IL16: variants seen among roughly 807,000 people sequenced by gnomAD.
The protein encoded by IL16 is interleukin 16, also known as pro-interleukin-16.
IL16 carries 67 observed loss-of-function variants against 110.1 expected under a neutral mutation model. The observed-to-expected ratio is 0.61, with a 90% CI of 0.50 to 0.75. IL16 has a LOEUF of 0.75. Among genes scored for constraint, IL16 ranks in the 30% least tolerant of loss-of-function variants. The pLI, the probability that IL16 is intolerant of heterozygous loss-of-function variation, is 0.00. For missense variants in IL16, 1,545 were observed against 1,655.0 expected, an observed-to-expected ratio of 0.93 and a Z score of 1.15; for synonymous variants, 689 against 662.9, an observed-to-expected ratio of 1.04 and a Z score of -0.61.
intron 15 of IL16, among the ~76,000 whole-genome samples, chr15:81,301,734 A>G (rs1900297691): frequency 6.6e-6 from 1 of 152,198 alleles, no homozygotes; most frequent in Non-Finnish European, 1.5e-5. Flanking sequence ...GACTTCTTGC[A>G]TCTTCTTTTG....
chr15:81,243,143 G>GTATATATATATATATATA (rs1275444035), intron 2 of IL16, among the ~76,000 whole-genome samples: 88 of 47,220 alleles, frequency 1.9e-3, no homozygotes, highest in African/African-American at 2.3e-3. Flanking sequence ...AGCTATATAA[G>GTATATATATATATATATA]TATATATATA....
chr15:81,222,164 G>A (rs1303280149), intron 1 of IL16, among the ~76,000 whole-genome samples: 1 of 152,104 alleles, frequency 6.6e-6, no homozygotes, highest in Non-Finnish European at 1.5e-5. Context: ...GCAATTCTTG[G>A]TGGGACAAGA....
intron 2 of IL16, among the ~76,000 whole-genome samples, chr15:81,244,943 CCT>C (rs1272253476): frequency 1.3e-5 from 2 of 152,040 alleles, no homozygotes; most frequent in Admixed American, 1.3e-4. Flanking sequence ...TCCTCTGTCC[CCT>C]GAGTTCATTC....
chr15:81,231,362 CT>C lies in IL16; in HGVS notation c.312+5652del, dbSNP rs1183309445. On this transcript the variant is annotated intron_variant, in intron 2 of 18. Coordinates refer to ENST00000683961, the MANE Select transcript of IL16 (RefSeq NM_172217.5). ...TCTCTCTCTCTCTCTCTCTCTCTCTCTCTCTCTCTCTCTCTCTCTCCCTCTC... is the reference window on the plus strand; with the variant it reads ...TCTCTCTCTCTCTCTCTCTCTCTCTCCTCTCTCTCTCTCTCTCTCCCTCTC... 7.6e-3 allele frequency among the ~76,000 whole-genome samples: 1,107 copies of C among 146,422 alleles called. 27 individuals carry two copies. Among genetic ancestry groups the C allele is most frequent in the African/African-American group, 0.027 (1,063 of 39,696 alleles).
chr15:81,258,730 GCT>G (rs145587698), intron 2 of IL16, among the ~76,000 whole-genome samples: 4,312 of 147,244 alleles, frequency 0.029, 204 homozygotes, highest in African/African-American at 0.1. Flanking sequence ...TCGCGCACGC[GCT>G]CTCTCTCTCT....
At chr15:81,192,005 G>T (rs1895505162), upstream of IL16, among the ~76,000 whole-genome samples, 1 of 152,298 alleles carries the variant, frequency 6.6e-6, no homozygotes, top group East Asian at 1.9e-4. Context: ...GCATTTTTGG[G>T]GCAGTAAATA....
At chr15:81,299,260 C>G (rs1348723429) in intron 13 of IL16, 120 bp from the exon 14 acceptor site, 1 of 1,558,744 alleles carries the variant, frequency 6.4e-7, no homozygotes. Flanking sequence ...GGGTGTCCCC[C>G]ACTTCTGCTA....
At chr15:81,296,839 G>C (rs184939819) in intron 12 of IL16, 89 bp from the exon 13 acceptor site, 2 of 1,236,916 alleles carry the variant, frequency 1.6e-6, no homozygotes, top group Non-Finnish European at 2.3e-6. Context: ...CTCAATATCC[G>C]TTTTTCCGTC....
chr15:81,299,197 C>T (rs1900135439), intron 13 of IL16, 183 bp from the exon 14 acceptor site: 1 of 912,206 alleles, frequency 1.1e-6, no homozygotes, highest in Admixed American at 1.7e-5. Flanking sequence ...TGGTCCTTCA[C>T]TCCTGCCTGT....
chr15:81,277,172 C>T (rs1898949580), intron 6 of IL16, among the ~76,000 whole-genome samples: 1 of 151,928 alleles, frequency 6.6e-6, no homozygotes, highest in Non-Finnish European at 1.5e-5. Flanking sequence ...GGAAATTATC[C>T]AGTAGGCCAC....
At chr15:81,305,630 G>A (rs1221971278) in intron 16 of IL16, 4 of 403,372 alleles carry the variant, frequency 9.9e-6, no homozygotes. Flanking sequence ...ATTTTATATG[G>A]AATCCCAACT....
At chr15:81,239,597 C>T (rs1436853237) in intron 2 of IL16, among the ~76,000 whole-genome samples, 2 of 152,146 alleles carry the variant, frequency 1.3e-5, no homozygotes, top group African/African-American at 2.4e-5. Context: ...TTGCCAGTGC[C>T]CCAGTGATAG....
At chr15:81,234,266 A>T (rs375020583) in intron 2 of IL16, among the ~76,000 whole-genome samples, 2 of 151,938 alleles carry the variant, frequency 1.3e-5, no homozygotes, top group East Asian at 3.8e-4. Flanking sequence ...ATCATTTCAG[A>T]TGTGTTTGGA....
rs187475449 is a variant in IL16, at chr15:81,252,887, A to G, written c.313-6885A>G. ...TTCATCCATTTATCAGGTAATGGAC[A>G]CAGGTTGTTTCTATGTTCTGGATAT... is the stretch of plus-strand genomic sequence containing the variant. On this transcript the variant is annotated intron_variant, in intron 2 of 18. Transcript: ENST00000683961. Among the ~76,000 whole-genome samples the G allele has an allele frequency of 2.6e-4, 39 of 152,298 alleles. No individual in the cohort carries two copies. In the Middle Eastern group the frequency reaches 0.014, roughly 53 times the overall value.
At position 81,303,741 on chromosome 15, in the gene IL16, G is replaced by A; in HGVS notation, c.3420+91G>A. ...TTGCCAGGAAGGGGCCCTGTGCTGG[G>A]GAAATGAAGAATGCATGACACTAGG... is the stretch of plus-strand genomic sequence containing the variant. On this transcript the variant is annotated intron_variant, in intron 16 of 18. Transcript: ENST00000683961. This position sits in a 1 kb window ranked among gnomAD's most constrained non-coding sequence, Gnocchi z 4.1. 1 of 852,170 alleles carries A rather than the reference G, an allele frequency of 1.2e-6. No individual in the cohort carries two copies. The highest frequency in any genetic ancestry group is 2.0e-6 in the Non-Finnish European group (1 of 504,116). 52.8% of individuals were successfully genotyped at this position (852,170 alleles called of 1,614,324 possible).
At chr15:81,273,574 G>T (rs28452992) in intron 6 of IL16, among the ~76,000 whole-genome samples, 4 of 151,984 alleles carry the variant, frequency 2.6e-5, no homozygotes, top group Admixed American at 2.6e-4. Flanking sequence ...GCTGGGATCC[G>T]TTAACACCCC....
chr15:81,243,158 TATATA>T (rs1221830006), intron 2 of IL16, among the ~76,000 whole-genome samples: 1 of 47,500 alleles, frequency 2.1e-5, no homozygotes, highest in Admixed American at 2.4e-4. Flanking sequence ...TATATATATA[TATATA>T]TTTTTTTTTT....
At position 81,305,889 on chromosome 15, in the gene IL16, C is replaced by T. The variant is rs1460301663; in HGVS notation, c.3421-19C>T. Reference sequence around the variant, plus strand: ...GGACTTGTGTGATTTCTGGTCCTGACTTCCTTTGGTTTGCTCAGGTTCACA... The same window carrying T: ...GGACTTGTGTGATTTCTGGTCCTGATTTCCTTTGGTTTGCTCAGGTTCACA... On this transcript the variant is annotated intron_variant, in intron 16 of 18. Coordinates refer to ENST00000683961, the MANE Select transcript of IL16 (RefSeq NM_172217.5). 3 of 1,611,270 alleles carry T rather than the reference C, an allele frequency of 1.9e-6. No homozygotes were observed. Among genetic ancestry groups the T allele is most frequent in the Non-Finnish European group, 2.5e-6 (3 of 1,178,226 alleles).
intron 10 of IL16, among the ~76,000 whole-genome samples, chr15:81,287,195 G>A (rs1385328939): frequency 6.6e-6 from 1 of 152,170 alleles, no homozygotes; most frequent in East Asian, 1.9e-4. Flanking sequence ...AGAGAGGGAG[G>A]AACCGAAGAT....
Sources: allele counts gnomAD v4.1 joint callset (sites outside exome capture counted in the v4.1 genomes callset), GRCh38; gene constraint gnomAD v4.1.1; non-coding constraint Gnocchi (gnomAD v3.1); transcripts MANE v1.5; gene names NCBI Gene and HGNC (gene_info 2026-07-23, HGNC 2026-07-21).